Variants in ZSWIM6 observed in about 807,000 individuals in gnomAD.
ZSWIM6 encodes zinc finger SWIM-type containing 6, also known as zinc finger SWIM domain-containing protein 6.
ZSWIM6 carries 9 observed loss-of-function variants against 113.2 expected under a neutral mutation model. The ratio of observed to expected loss-of-function variants is 0.08; its 90% CI spans 0.05 to 0.14. ZSWIM6 has a LOEUF of 0.14. Among genes scored for constraint, ZSWIM6 ranks in the 10% least tolerant of loss-of-function variants. ZSWIM6 has a pLI of 1.00. For synonymous variants in ZSWIM6, 611 were observed against 606.5 expected (o/e 1.01, Z -0.11); for missense variants, 1,162 against 1,552.2 (o/e 0.75, Z 4.22).
At chr5:61,495,342 G>A (rs1476813190) in intron 4 of ZSWIM6, among the ~76,000 whole-genome samples, 5 of 152,088 alleles carry the variant, frequency 3.3e-5, no homozygotes, top group African/African-American at 7.2e-5. Context: ...AACAAGTCCC[G>A]AGAGGTTAGG....
At chr5:61,344,995 G>A (rs980001021) in intron 1 of ZSWIM6, among the ~76,000 whole-genome samples, 1 of 152,144 alleles carries the variant, frequency 6.6e-6, no homozygotes, top group Admixed American at 6.5e-5. Flanking sequence ...TTAGGTAGGA[G>A]AAAGATTTAA....
chr5:61,516,965 A>G (rs1246357320), intron 4 of ZSWIM6, among the ~76,000 whole-genome samples: 1 of 152,092 alleles, frequency 6.6e-6, no homozygotes. Flanking sequence ...TAATGCTTTA[A>G]AGATATTGTT....
At chr5:61,421,798 A>G (rs1255210898) in intron 1 of ZSWIM6, among the ~76,000 whole-genome samples, 2 of 152,220 alleles carry the variant, frequency 1.3e-5, no homozygotes, top group Non-Finnish European at 2.9e-5. Flanking sequence ...TGTTCCTGTA[A>G]AAGACATGAA....
At chr5:61,456,629 CTT>C (rs1747210341) in intron 1 of ZSWIM6, among the ~76,000 whole-genome samples, 3 of 152,012 alleles carry the variant, frequency 2.0e-5, no homozygotes, top group African/African-American at 7.2e-5. Context: ...ATAAAGGTAA[CTT>C]TGATAGCAGA....
chr5:61,490,854 G>C lies in ZSWIM6; in HGVS notation c.1102G>C (p.Val368Leu). ...CTGCTGGCACTTAGATGAAGAGCAG[G>C]TTCAAGAACAGGTTAAACTGTTCCT... Reference protein sequence around the residue: ...ENCWHLDEEQVQEQVKLFLSQ... With the variant: ...ENCWHLDEEQLQEQVKLFLSQ... The change falls in exon 3 of 14, where the codon GTT becomes CTT. Residue 368 changes from valine to leucine, a missense_variant. Val to Leu is a conservative substitution (Grantham distance 32, BLOSUM62 1). Coordinates refer to ENST00000252744, the MANE Select transcript of ZSWIM6 (RefSeq NM_020928.2). 6.5e-7 allele frequency: 1 copy of C among 1,548,292 alleles called. No homozygotes were observed. The highest frequency in any genetic ancestry group is 8.7e-7 in the Non-Finnish European group (1 of 1,145,518).
rs1746286298 is a variant in ZSWIM6 at position 61,417,801 on chromosome 5, C to T, written c.677-54880C>T. Reference sequence around the variant, plus strand: ...TTTGGAGAATGGGTAGATTGTTTATCTGTGAATTTTTAAAGCAGATTGTAC... The same window carrying T: ...TTTGGAGAATGGGTAGATTGTTTATTTGTGAATTTTTAAAGCAGATTGTAC... On this transcript the variant is annotated intron_variant, in intron 1 of 13. Transcript: ENST00000252744. Among the ~76,000 whole-genome samples, 3 of 152,134 alleles carry T rather than the reference C, an allele frequency of 2.0e-5. No individual in the cohort carries two copies. In the South Asian group the frequency reaches 6.2e-4, roughly 32 times the overall value.
chr5:61,342,841 C>T (rs183210061), intron 1 of ZSWIM6, among the ~76,000 whole-genome samples: 136 of 151,322 alleles, frequency 9.0e-4, no homozygotes, highest in African/African-American at 3.1e-3. Flanking sequence ...AGTACATTTA[C>T]ATTGTTACGC....
chr5:61,530,475 A>G (rs1372884572), intron 8 of ZSWIM6, among the ~76,000 whole-genome samples: 1 of 152,196 alleles, frequency 6.6e-6, no homozygotes, highest in Non-Finnish European at 1.5e-5. Context: ...ATTTATCCAC[A>G]TTTATGACTA....
At chr5:61,535,095 A>C (rs1321012377) in intron 9 of ZSWIM6, among the ~76,000 whole-genome samples, 1 of 152,114 alleles carries the variant, frequency 6.6e-6, no homozygotes, top group African/African-American at 2.4e-5. Flanking sequence ...TTCCATAGTT[A>C]AGCTGTGGTG....
intron 1 of ZSWIM6, among the ~76,000 whole-genome samples, chr5:61,353,863 G>T (rs933416206): frequency 1.3e-5 from 2 of 152,206 alleles, no homozygotes; most frequent in African/African-American, 4.8e-5. Context: ...ATAACAAGCT[G>T]TGTGAGGCAG....
In ZSWIM6 at chr5:61,367,562, T is replaced by C. The variant is rs545755725; in HGVS notation, c.676+34614T>C. Among the ~76,000 whole-genome samples the C allele has an allele frequency of 2.8e-4, 43 of 151,784 alleles. 2 individuals are homozygous for C. In the South Asian group the frequency reaches 8.5e-3, roughly 30 times the overall value. ...TTTACCCAGGTCCTTACGTGCCTTTTGTTGTTGAGAAGTGCAAGAACATTT... is the reference window on the plus strand; with the variant it reads ...TTTACCCAGGTCCTTACGTGCCTTTCGTTGTTGAGAAGTGCAAGAACATTT... On this transcript the variant is annotated intron_variant, in intron 1 of 13. Transcript: ENST00000252744.
chr5:61,407,911 A>G (rs1746074784), intron 1 of ZSWIM6, among the ~76,000 whole-genome samples: 1 of 152,210 alleles, frequency 6.6e-6, no homozygotes, highest in South Asian at 2.1e-4. Flanking sequence ...TGGGAGGGTA[A>G]AGGTACAGTC....
chr5:61,427,920 A>G (rs551166490), intron 1 of ZSWIM6, among the ~76,000 whole-genome samples: 25 of 150,500 alleles, frequency 1.7e-4, no homozygotes, highest in African/African-American at 6.1e-4. Context: ...ATTTAACATG[A>G]TTTTTTTTTT....
intron 1 of ZSWIM6, among the ~76,000 whole-genome samples, chr5:61,357,703 C>G (rs530380044): frequency 6.6e-6 from 1 of 151,982 alleles, no homozygotes; most frequent in South Asian, 2.1e-4. Flanking sequence ...ACAAAACATT[C>G]TAATATAATT....
At chr5:61,536,456 C>A (rs995093353) in intron 10 of ZSWIM6, among the ~76,000 whole-genome samples, 2 of 152,194 alleles carry the variant, frequency 1.3e-5, no homozygotes, top group Non-Finnish European at 2.9e-5. Flanking sequence ...ATAAAACACT[C>A]CTGTGCTTCT....
At chr5:61,403,396 A>G (rs1745977928) in intron 1 of ZSWIM6, among the ~76,000 whole-genome samples, 2 of 152,212 alleles carry the variant, frequency 1.3e-5, no homozygotes, top group African/African-American at 4.8e-5. Flanking sequence ...AGATTTCTAA[A>G]CCATGTGACC....
chr5:61,502,442 G>A lies in ZSWIM6; in HGVS notation c.1333+8032G>A, dbSNP rs998104748. On this transcript the variant is annotated intron_variant, in intron 4 of 13. Transcript: ENST00000252744. ...CCTAGGTTTGGGGTCAGGGGGAAGC[G>A]AGTGCTGAAGGGACGAGGCAGATCC... Among the ~76,000 whole-genome samples the A allele has an allele frequency of 7.2e-5, 11 of 152,168 alleles. 1 individual carries two copies. Among genetic ancestry groups the A allele is most frequent in the Admixed American group, 6.5e-5 (1 of 15,272 alleles).
chr5:61,540,117 G>C (rs576653450), intron 12 of ZSWIM6, among the ~76,000 whole-genome samples: 1 of 152,194 alleles, frequency 6.6e-6, no homozygotes, highest in Non-Finnish European at 1.5e-5. Flanking sequence ...AGATTCAGTT[G>C]TTAGGGTTAA....
intron 1 of ZSWIM6, among the ~76,000 whole-genome samples, chr5:61,445,046 G>C (rs1268952994): frequency 6.6e-6 from 1 of 152,144 alleles, no homozygotes; most frequent in Non-Finnish European, 1.5e-5. Context: ...ACTGTGATTT[G>C]GTGTCTAGTA....
Sources: allele counts gnomAD v4.1 joint callset (sites outside exome capture counted in the v4.1 genomes callset), GRCh38; gene constraint gnomAD v4.1.1; transcripts MANE v1.5; gene names NCBI Gene and HGNC (gene_info 2026-07-23, HGNC 2026-07-21).